The following SLC4A2 variants were observed in gnomAD, a reference collection of about 807,000 sequenced individuals.
The protein encoded by SLC4A2 is solute carrier family 4 member 2.
In SLC4A2, 36 loss-of-function variants were observed where a neutral mutation model predicts 115.0. The ratio of observed to expected loss-of-function variants is 0.31; its 90% CI spans 0.24 to 0.41. The LOEUF is 0.41. SLC4A2 is among the 10% of genes least tolerant of loss of function. The pLI, the probability that SLC4A2 is intolerant of heterozygous loss-of-function variation, is 1.00. For missense variants in SLC4A2, 1,252 were observed against 1,705.6 expected, an observed-to-expected ratio of 0.73 and a Z score of 4.68; for synonymous variants, 708 against 708.3, an observed-to-expected ratio of 1.00 and a Z score of 0.01.
At chr7:151,075,570 C>T in intron 20 of SLC4A2, 36 bp from the exon 21 acceptor site, 1 of 1,585,274 alleles carries the variant, frequency 6.3e-7, no homozygotes, top group Non-Finnish European at 8.6e-7. Flanking sequence ...GGCCAGGGGA[C>T]CCCGGGGCCA....
intron 12 of SLC4A2, 80 bp from the exon 13 acceptor site, chr7:151,070,992 C>T (rs35708520): frequency 0.02 from 32,521 of 1,589,514 alleles, 414 homozygotes; most frequent in Non-Finnish European, 0.023. Context: ...GCCTCCCACC[C>T]ACTGGCCTTG....
Position 151,071,623 on chromosome 7 carries a change from G to C in SLC4A2, c.2191+18G>C. On this transcript the variant is annotated intron_variant, in intron 14 of 22. Transcript: ENST00000413384. This position sits in a 1 kb window ranked among gnomAD's most constrained non-coding sequence, Gnocchi z 5.5. ...GCTGCTGGGTGAGGAGAGCCTTCAG[G>C]TAGGGGGCGGCGGGGACTGCCCAGG... 1 of 1,613,646 alleles carries C rather than the reference G, an allele frequency of 6.2e-7. No individual in the cohort carries two copies. The highest frequency in any genetic ancestry group is 8.5e-7 in the Non-Finnish European group (1 of 1,179,914).
At position 151,074,297 on chromosome 7, in the gene SLC4A2, C is replaced by T. The variant is rs1482083696; in HGVS notation, c.2790+4C>T. On this transcript the variant is annotated splice_donor_region_variant and intron_variant, in intron 17 of 22. Transcript: ENST00000413384. ...CAGCCGGTTCTTTCCTGGCCGGGTG[C>T]GTGGGCTTAAAGGCCAAGAGGGGGT... is the stretch of plus-strand genomic sequence containing the variant. The T allele has an allele frequency of 1.2e-6, 2 of 1,608,312 alleles. No individual in the cohort carries two copies. The highest frequency in any genetic ancestry group is 1.7e-5 in the Admixed American group (1 of 59,984).
chr7:151,076,235 T>A, intron 22 of SLC4A2, 49 bp downstream of exon 22: 4 of 1,601,834 alleles, frequency 2.5e-6, no homozygotes, highest in Non-Finnish European at 3.4e-6. Context: ...TCCCTGTGGA[T>A]CTGGAAAGGC....
intron 10 of SLC4A2, 41 bp from the exon 11 acceptor site, chr7:151,070,416 G>C: frequency 6.2e-7 from 1 of 1,611,670 alleles, no homozygotes; most frequent in Non-Finnish European, 8.5e-7. Flanking sequence ...ACTCAGAGTG[G>C]GAGGGGCCTG....
Position 151,073,155 on chromosome 7 carries a change from C to G in SLC4A2, c.2536-884C>G, listed in dbSNP as rs1430793853. On this transcript the variant is annotated intron_variant, in intron 16 of 22. Coordinates refer to ENST00000413384, the MANE Select transcript of SLC4A2 (RefSeq NM_003040.4). ...TTTGAAGAGGCCTGCCTAGATTGCC[C>G]AGGCTTGTCTGGAACTCTCCTGGTC... Among the ~76,000 whole-genome samples the G allele has an allele frequency of 4.6e-5, 7 of 152,268 alleles. 1 individual carries two copies. The highest frequency in any genetic ancestry group is 1.3e-4 in the Admixed American group (2 of 15,294).
chr7:151,062,814 A>G, intron 2 of SLC4A2: 1 of 1,368,566 alleles, frequency 7.3e-7, no homozygotes, highest in Non-Finnish European at 9.4e-7. Flanking sequence ...CACAGAGGGG[A>G]GAAGCCAGCC....
chr7:151,069,140 CAA>C (rs397978007), intron 8 of SLC4A2, among the ~76,000 whole-genome samples: 3,143 of 40,914 alleles, frequency 0.077, 290 homozygotes, highest in Middle Eastern at 0.23. Context: ...CTCTTATCAC[CAA>C]AAAAAAAAAA....
rs1191872449 is a variant in SLC4A2, at chr7:151,075,370, G to A, written c.3163G>A (p.Ala1055Thr). 6.2e-7 allele frequency: 1 copy of A among 1,612,186 alleles called. No homozygotes were observed. Among genetic ancestry groups the A allele is most frequent in the African/African-American group, 1.3e-5 (1 of 75,072 alleles). The change falls in exon 20 of 23, where the codon GCT (alanine) becomes ACT (threonine). Residue 1055 changes from alanine to threonine, a missense_variant. Ala to Thr is a moderately conservative substitution (Grantham distance 58, BLOSUM62 0). Around this residue, in one of 14 missense-constraint regions of SLC4A2, gnomAD observed 253 missense variants for 407.4 expected, o/e 0.62. Transcript: ENST00000413384. The part of the protein sequence containing the change: ...ICALFGLPWL[A>T]AATVRSVTHA... ...TGCCCTCTTTGGCCTGCCCTGGTTGGCTGCTGCCACTGTCCGCTCTGTCAC... is the reference window on the plus strand; with the variant it reads ...TGCCCTCTTTGGCCTGCCCTGGTTGACTGCTGCCACTGTCCGCTCTGTCAC...
intron 5 of SLC4A2, among the ~76,000 whole-genome samples, chr7:151,066,057 A>G (rs539495706): frequency 6.6e-6 from 1 of 152,330 alleles, no homozygotes; most frequent in East Asian, 1.9e-4. Context: ...TTGATTAAAC[A>G]TAGGCCCCTG....
In SLC4A2 at chr7:151,062,038, G is replaced by C. The variant is rs755551886; in HGVS notation, c.51G>C (p.Thr17=). 6 of 1,610,052 alleles carry C rather than the reference G, an allele frequency of 3.7e-6. No homozygotes were observed. Among genetic ancestry groups the C allele is most frequent in the South Asian group, 1.1e-5 (1 of 90,736 alleles). The change falls in exon 2 of 23, where the codon ACG becomes ACC. Residue 17 remains threonine (T), a splice_region_variant and synonymous_variant. Coordinates refer to ENST00000413384, the MANE Select transcript of SLC4A2 (RefSeq NM_003040.4). ...CCAAGGGCGCAGATTCTTTCTGTAC[G>C]GTGAGTGTGGCCCCCAGGTCGCCAG... ...RPAKGADSFC[T]PEPESLGPGT...
chr7:151,072,309 T>C (rs1012880711), intron 16 of SLC4A2, among the ~76,000 whole-genome samples, 173 bp downstream of exon 16: 7 of 152,216 alleles, frequency 4.6e-5, no homozygotes, highest in Non-Finnish European at 1.0e-4. Context: ...AATTAATTAA[T>C]TTGAGACATT....
Position 151,066,555 on chromosome 7 carries a change from TG to T in SLC4A2, c.619del (p.Ala207ProfsTer38). On this transcript the variant is annotated frameshift_variant, in exon 6 of 23. Transcript: ENST00000413384. LOFTEE classifies it high-confidence loss of function. ...VEEAEAEAVA[V>X]ASGTAGGDDG... Reference sequence around the variant, plus strand: ...GAGGCGGAGGCGGAGGCGGTGGCGGTGGCCAGTGGCACTGCAGGGGGTGACG... The same window carrying T: ...GAGGCGGAGGCGGAGGCGGTGGCGGTGCCAGTGGCACTGCAGGGGGTGACG... 2 of 1,541,092 alleles carry T rather than the reference TG, an allele frequency of 1.3e-6. No homozygotes were observed. The highest frequency in any genetic ancestry group is 1.7e-6 in the Non-Finnish European group (2 of 1,143,066).
chr7:151,072,142 C>T lies in SLC4A2; in HGVS notation c.2535+6C>T, dbSNP rs776310651. ...CCTTCTACAAGCTGGTGAAGGTGGG[C>T]AGGCCCCTGCCGAGAGCTGGGCCAG... On this transcript the variant is annotated splice_donor_region_variant and intron_variant, in intron 16 of 22. Transcript: ENST00000413384. The T allele has an allele frequency of 5.0e-6, 8 of 1,611,638 alleles. No individual in the cohort carries two copies. The Admixed American group carries it at 6.7e-5, about 13-fold the overall frequency.
At chr7:151,058,571 G>C (rs905215392), upstream of SLC4A2, 5 of 152,302 alleles carry the variant, frequency 3.3e-5, no homozygotes, top group Admixed American at 2.6e-4. Context: ...GCTGAGCCCC[G>C]TTTGTTGTCT....
At position 151,076,276 on chromosome 7, in the gene SLC4A2, C is replaced by T. The variant is rs752597195; in HGVS notation, c.3646-11C>T. The T allele has an allele frequency of 6.3e-6, 10 of 1,575,124 alleles. No homozygotes were observed. The highest frequency in any genetic ancestry group is 4.5e-5 in the East Asian group (2 of 44,628). On this transcript the variant is annotated splice_polypyrimidine_tract_variant and intron_variant, in intron 22 of 22. Transcript: ENST00000413384. The stretch of plus-strand genomic sequence containing the variant: ...CACTTCCCTTCTTGACCGCCACCTC[C>T]CCACACACAGCTGGATGCTAACGAG...
upstream of SLC4A2, chr7:151,058,357 A>G (rs1459911691): frequency 5.6e-6 from 1 of 178,892 alleles, no homozygotes; most frequent in African/African-American, 2.4e-5. Flanking sequence ...GGTTGGTGGC[A>G]TTGTGTTCCC....
At chr7:151,074,933 C>T in intron 19 of SLC4A2, 92 bp downstream of exon 19, 1 of 1,319,498 alleles carries the variant, frequency 7.6e-7, no homozygotes, top group African/African-American at 1.5e-5. Context: ...ACTGGGCAAT[C>T]CCAGGGACCT....
chr7:151,070,447 T>C lies in SLC4A2; in HGVS notation c.1450-10T>C, dbSNP rs2150374538. On this transcript the variant is annotated splice_polypyrimidine_tract_variant and intron_variant, in intron 10 of 22. Coordinates refer to ENST00000413384, the MANE Select transcript of SLC4A2 (RefSeq NM_003040.4). ...GCCTGGCTGGGCTGAGCCCTGTCTG[T>C]GTCCCCCAGCGTGAGCTGCCGCCTC... is the stretch of plus-strand genomic sequence containing the variant. The C allele has an allele frequency of 6.2e-7, 1 of 1,611,574 alleles. No individual in the cohort carries two copies. The highest frequency in any genetic ancestry group is 2.2e-5 in the East Asian group (1 of 44,756).
Sources: allele counts gnomAD v4.1 joint callset (sites outside exome capture counted in the v4.1 genomes callset), GRCh38; gene constraint gnomAD v4.1.1; regional missense constraint gnomAD v4.1.1; non-coding constraint Gnocchi (gnomAD v3.1); transcripts MANE v1.5; gene names NCBI Gene and HGNC (gene_info 2026-07-23, HGNC 2026-07-21).